Variants in PCBP4 observed in about 807,000 individuals in gnomAD.
PCBP4 encodes poly(rC) binding protein 4, also known as poly(rC)-binding protein 4.
In PCBP4, 24 loss-of-function variants were observed where a neutral mutation model predicts 46.2. The ratio of observed to expected loss-of-function variants is 0.52; its 90% CI spans 0.38 to 0.73. The LOEUF (loss-of-function observed/expected upper bound fraction) is 0.73, where lower values mean the gene tolerates loss of function less well. PCBP4 is among the 30% of genes least tolerant of loss of function. The probability of loss-of-function intolerance (pLI) is 0.00; values close to 1 mark genes in which losing one functional copy is unlikely to be tolerated. For synonymous variants in PCBP4, 203 were observed against 224.4 expected, an observed-to-expected ratio of 0.90 and a Z score of 0.85; for missense variants, 407 against 537.0, an observed-to-expected ratio of 0.76 and a Z score of 2.39.
At chr3:51,962,399 G>A (rs972597332) in intron 1 of PCBP4, among the ~76,000 whole-genome samples, 1 of 150,724 alleles carries the variant, frequency 6.6e-6, no homozygotes, top group Non-Finnish European at 1.5e-5. Context: ...AATCCTGCTT[G>A]GAAATCCCTC....
chr3:51,958,986 G>C lies in PCBP4; in HGVS notation c.754-27C>G. The C allele has an allele frequency of 6.2e-7, 1 of 1,613,772 alleles. No homozygotes were observed. Among genetic ancestry groups the C allele is most frequent in the South Asian group, 1.1e-5 (1 of 91,048 alleles). On this transcript the variant is annotated intron_variant, in intron 12 of 13. Coordinates refer to ENST00000461554, the MANE Select transcript of PCBP4 (RefSeq NM_001174100.2). The surrounding 1 kb of genome is among the most constrained non-coding windows in gnomAD (Gnocchi z 5.4). ...TAGAGGGAAGGCAGAATTCAGCCCT[G>C]GGTGAGGTCCAGACCCCCAGACCCC...
Position 51,958,948 on chromosome 3 carries a change from ACAGC to A in PCBP4, c.761_764del (p.Gly254ValfsTer2). ...TCTTGCTGCCCTGGCGCCCGATCAC[ACAGC>A]CAATCAACTAGAGGGAAGGCAGAAT... is the stretch of plus-strand genomic sequence containing the variant. On this transcript the variant is annotated frameshift_variant, in exon 13 of 14. Transcript: ENST00000461554. LOFTEE classifies it high-confidence loss of function. The surrounding 1 kb of genome is among the most constrained non-coding windows in gnomAD (Gnocchi z 5.4). The A allele has an allele frequency of 6.2e-7, 1 of 1,613,912 alleles. No homozygotes were observed. The highest frequency in any genetic ancestry group is 8.5e-7 in the Non-Finnish European group (1 of 1,179,910).
At position 51,960,098 on chromosome 3, in the gene PCBP4, C is replaced by G. The variant is rs1274639177; in HGVS notation, c.388-75G>C. The G allele has an allele frequency of 2.5e-6, 4 of 1,614,134 alleles. No individual in the cohort carries two copies. Among genetic ancestry groups the G allele is most frequent in the Non-Finnish European group, 3.4e-6 (4 of 1,179,948 alleles). ...AAGGGCTGCCCAGGCTCAGAGCTCTCTAGGTGGGGAGGACGCCATAAGCCC... is the reference window on the plus strand; with the variant it reads ...AAGGGCTGCCCAGGCTCAGAGCTCTGTAGGTGGGGAGGACGCCATAAGCCC... On this transcript the variant is annotated intron_variant, in intron 7 of 13. Transcript: ENST00000461554. This position sits in a 1 kb window ranked among gnomAD's most constrained non-coding sequence, Gnocchi z 5.0.
chr3:51,966,001 G>A (rs1700403685), intron 1 of PCBP4, among the ~76,000 whole-genome samples: 1 of 152,216 alleles, frequency 6.6e-6, no homozygotes, highest in Non-Finnish European at 1.5e-5. Flanking sequence ...TCACAAGAGG[G>A]GCTCGCGGCC....
chr3:51,965,672 C>G (rs80093522), intron 1 of PCBP4, among the ~76,000 whole-genome samples: 1 of 152,080 alleles, frequency 6.6e-6, no homozygotes, highest in Non-Finnish European at 1.5e-5. Context: ...CTGAGGGTCC[C>G]GGAGGAGTAA....
rs1699938079 is a variant in PCBP4 at position 51,958,444 on chromosome 3, A to C, written c.924-95T>G. 1.2e-6 allele frequency: 1 copy of C among 845,980 alleles called. No homozygotes were observed. The highest frequency in any genetic ancestry group is 1.8e-6 in the Non-Finnish European group (1 of 571,266). The allele number at this position is 845,980 out of a possible 1,614,324, so 52.4% of individuals were successfully genotyped here. ...ATGGGCATGAGATTAGATGAAAGGC[A>C]AGAGAGAGGTAGTGAACAGAGAACA... is the stretch of plus-strand genomic sequence containing the variant. On this transcript the variant is annotated intron_variant, in intron 13 of 13. Coordinates refer to ENST00000461554, the MANE Select transcript of PCBP4 (RefSeq NM_001174100.2). The surrounding 1 kb of genome is among the most constrained non-coding windows in gnomAD (Gnocchi z 5.4).
chr3:51,962,911 T>A (rs1700247648), intron 1 of PCBP4: 1 of 152,268 alleles, frequency 6.6e-6, no homozygotes, highest in Non-Finnish European at 1.5e-5. Context: ...GAGCAGTGGA[T>A]GCAGGGACTG....
In PCBP4 at chr3:51,960,469, G is replaced by C. The variant is rs1700095981; in HGVS notation, c.255+57C>G. The C allele has an allele frequency of 6.4e-7, 1 of 1,556,606 alleles. No homozygotes were observed. Among genetic ancestry groups the C allele is most frequent in the Admixed American group, 1.7e-5 (1 of 59,906 alleles). On this transcript the variant is annotated intron_variant, in intron 6 of 13. Coordinates refer to ENST00000461554, the MANE Select transcript of PCBP4 (RefSeq NM_001174100.2). The surrounding 1 kb of genome is among the most constrained non-coding windows in gnomAD (Gnocchi z 5.0). ...CACCCATAGCCACTATCTGGAGTCA[G>C]AGTTGGGTTCCTCCTGGGGAACCAC...
Position 51,959,817 on chromosome 3 carries a change from G to A in PCBP4, c.516+78C>T. ...CTGCCCTGCCCCACCTGCAGCACAGGCATAGGGTTTGGGGTCCCCGACAAG... is the reference window on the plus strand; with the variant it reads ...CTGCCCTGCCCCACCTGCAGCACAGACATAGGGTTTGGGGTCCCCGACAAG... On this transcript the variant is annotated intron_variant, in intron 8 of 13. Transcript: ENST00000461554. The surrounding 1 kb of genome is among the most constrained non-coding windows in gnomAD (Gnocchi z 5.6). The A allele has an allele frequency of 6.5e-7, 1 of 1,543,202 alleles. No individual in the cohort carries two copies. Among genetic ancestry groups the A allele is most frequent in the Non-Finnish European group, 8.7e-7 (1 of 1,143,164 alleles).
In PCBP4 at chr3:51,961,230, G is replaced by A. The variant is rs765205448; in HGVS notation, c.11C>T (p.Ser4Leu). The A allele has an allele frequency of 1.3e-5, 21 of 1,612,150 alleles. 1 individual carries two copies. The highest frequency in any genetic ancestry group is 6.6e-5 in the South Asian group (6 of 91,048). The change falls in exon 3 of 14, where the codon TCG becomes TTG. Residue 4 changes from serine to leucine, a missense_variant. Coordinates refer to ENST00000461554, the MANE Select transcript of PCBP4 (RefSeq NM_001174100.2). ...TGGCTCCTCCTCCAGTCCCCCGTCC[G>A]AGCCGCTCATTCTGTCAGGCGAGGC... MSG[S>L]DGGLEEEPEL...
intron 1 of PCBP4, among the ~76,000 whole-genome samples, chr3:51,965,962 G>T (rs1251882637): frequency 6.6e-6 from 1 of 152,216 alleles, no homozygotes. Flanking sequence ...GTTGGGCTCA[G>T]CCTGTCACAG....
In PCBP4 at chr3:51,959,221, T is replaced by C; in HGVS notation, c.700+8A>G. 1 of 1,613,614 alleles carries C rather than the reference T, an allele frequency of 6.2e-7. No individual in the cohort carries two copies. Among genetic ancestry groups the C allele is most frequent in the South Asian group, 1.1e-5 (1 of 91,060 alleles). ...CTCCCCCTGCCTCCTTGTGCAGGGG[T>C]GGCTTACCTGGCACCACGCTGGGTG... is the stretch of plus-strand genomic sequence containing the variant. On this transcript the variant is annotated splice_region_variant and intron_variant, in intron 11 of 13. Coordinates refer to ENST00000461554, the MANE Select transcript of PCBP4 (RefSeq NM_001174100.2). The surrounding 1 kb of genome is among the most constrained non-coding windows in gnomAD (Gnocchi z 5.6).
chr3:51,961,324 AG>A lies in PCBP4; in HGVS notation c.-64-21del. ...CCGGCTCTGGCAGGGGCAGCCAAAG[AG>A]GGGTTCGAGAGGAGCCCAGTCCACC... On this transcript the variant is annotated intron_variant, in intron 2 of 13. Transcript: ENST00000461554. 2.0e-6 allele frequency: 3 copies of A among 1,528,592 alleles called. No homozygotes were observed. The highest frequency in any genetic ancestry group is 2.6e-6 in the Non-Finnish European group (3 of 1,139,780). The allele number at this position is 1,528,592 out of a possible 1,614,324, so 94.7% of individuals were successfully genotyped here. A position where few individuals can be genotyped will look rare whatever the true frequency, so the allele number is the denominator to read the frequency against.
intron 1 of PCBP4, among the ~76,000 whole-genome samples, chr3:51,964,039 T>G (rs1700301311): frequency 6.6e-6 from 1 of 152,068 alleles, no homozygotes. Context: ...CCTCCGCGGG[T>G]GCCCAGCCCC....
chr3:51,966,324 C>A (rs1172966245), intron 1 of PCBP4, among the ~76,000 whole-genome samples: 2 of 152,104 alleles, frequency 1.3e-5, no homozygotes, highest in African/African-American at 4.8e-5. Context: ...CCTGAGCCTG[C>A]ATGCTGATGA....
intron 1 of PCBP4, among the ~76,000 whole-genome samples, chr3:51,967,069 G>A (rs1700469192): frequency 6.6e-6 from 1 of 152,126 alleles, no homozygotes; most frequent in South Asian, 2.1e-4. Flanking sequence ...AGGCGCAAAG[G>A]ACAGAAACAG....
In PCBP4 at chr3:51,959,150, C is replaced by T; in HGVS notation, c.701-51G>A. 1 of 1,612,686 alleles carries T rather than the reference C, an allele frequency of 6.2e-7. No individual in the cohort carries two copies. Among genetic ancestry groups the T allele is most frequent in the South Asian group, 1.1e-5 (1 of 91,044 alleles). ...GTGGTTCTGGGCCTTTCCCGCCCCA[C>T]CATTTCCACTCTCCCTGGAAGGGAG... On this transcript the variant is annotated intron_variant, in intron 11 of 13. Transcript: ENST00000461554. This position sits in a 1 kb window ranked among gnomAD's most constrained non-coding sequence, Gnocchi z 5.6.
In PCBP4 at chr3:51,959,418, G is replaced by A; in HGVS notation, c.592-7C>T. 13 of 1,601,892 alleles carry A rather than the reference G, an allele frequency of 8.1e-6. No individual in the cohort carries two copies. The highest frequency in any genetic ancestry group is 1.1e-5 in the Non-Finnish European group (13 of 1,173,008). Reference sequence around the variant, plus strand: ...GACCCTGGACAGAGAAGCCCTGTGGGGACAAAGTGGATGAAAAGGGGGTTA... The same window carrying A: ...GACCCTGGACAGAGAAGCCCTGTGGAGACAAAGTGGATGAAAAGGGGGTTA... On this transcript the variant is annotated splice_polypyrimidine_tract_variant and splice_region_variant and intron_variant, in intron 9 of 13. Transcript: ENST00000461554. This position sits in a 1 kb window ranked among gnomAD's most constrained non-coding sequence, Gnocchi z 5.6.
Position 51,959,580 on chromosome 3 carries a change from G to GA in PCBP4, c.587_588insT (p.Gln197ProfsTer16). On this transcript the variant is annotated frameshift_variant, in exon 9 of 14. Coordinates refer to ENST00000461554, the MANE Select transcript of PCBP4 (RefSeq NM_001174100.2). LOFTEE classifies it high-confidence loss of function. The surrounding 1 kb of genome is among the most constrained non-coding windows in gnomAD (Gnocchi z 5.6). ...CTGCTCCTGTTGTTCCCCTCACCTG[G>GA]TTGGCAGAGAGAAGAACAGTACCTA... 6.4e-7 allele frequency: 1 copy of GA among 1,552,112 alleles called. No homozygotes were observed. Among genetic ancestry groups the GA allele is most frequent in the Non-Finnish European group, 8.7e-7 (1 of 1,146,890 alleles).
Sources: gnomAD v4.1 joint callset for allele counts (sites outside exome capture counted in the v4.1 genomes callset) on GRCh38, gnomAD v4.1.1 for gene constraint, Gnocchi (gnomAD v3.1) non-coding constraint, MANE v1.5 for transcripts, NCBI Gene and HGNC (gene_info 2026-07-23, HGNC 2026-07-21) for gene names.